CUBN: variants seen among roughly 807,000 people sequenced by gnomAD.
CUBN encodes 460 kDa receptor.
Under a neutral mutation model 405.3 loss-of-function variants are expected in CUBN, and 282 were observed. That is an observed-to-expected ratio of 0.70 (90% CI 0.63 to 0.77). The LOEUF is 0.77. CUBN is among the 30% of genes least tolerant of loss of function. CUBN has a pLI of 0.00. For missense variants in CUBN, 4,514 were observed against 4,475.2 expected (o/e 1.01, Z -0.25); for synonymous variants, 1,684 against 1,617.0 (o/e 1.04, Z -0.99).
At chr10:16,967,591 A>C (rs979224763) in intron 31 of CUBN, among the ~76,000 whole-genome samples, 1 of 152,164 alleles carries the variant, frequency 6.6e-6, no homozygotes, top group Non-Finnish European at 1.5e-5. Flanking sequence ...TCACAAGATA[A>C]ACGTTTGAAA....
intron 59 of CUBN, among the ~76,000 whole-genome samples, chr10:16,854,897 C>T (rs1839822389): frequency 6.6e-6 from 1 of 151,926 alleles, no homozygotes; most frequent in Non-Finnish European, 1.5e-5. Context: ...ATTGGCTGAT[C>T]CATCCTCCCT....
At position 17,088,193 on chromosome 10, in the gene CUBN, G is replaced by A. The variant is rs376140001; in HGVS notation, c.1918C>T (p.His640Tyr). 4 of 1,613,336 alleles carry A rather than the reference G, an allele frequency of 2.5e-6. No homozygotes were observed. The highest frequency in any genetic ancestry group is 2.7e-5 in the African/African-American group (2 of 74,866). ...AGGTAATCTTTGTTGCAGTCATCAT[G>A]GTGCTCGAGGCTCAAGGTCCCAAAA... ...FTFGTLSLEH[H>Y]DDCNKDYLEI... The change falls in exon 15 of 67, where the codon CAT (histidine) becomes TAT (tyrosine). Residue 640 changes from histidine to tyrosine, a missense_variant. Coordinates refer to ENST00000377833, the MANE Select transcript of CUBN (RefSeq NM_001081.4).
chr10:17,098,913 A>G (rs957469266), intron 14 of CUBN, among the ~76,000 whole-genome samples: 2 of 152,198 alleles, frequency 1.3e-5, no homozygotes, highest in African/African-American at 4.8e-5. Flanking sequence ...ATGAAAAGAG[A>G]ACTAAATTTA....
intron 17 of CUBN, among the ~76,000 whole-genome samples, chr10:17,075,046 A>G (rs1445587096): frequency 6.9e-6 from 1 of 145,624 alleles, no homozygotes; most frequent in African/African-American, 2.5e-5. Context: ...GCAAACAGGT[A>G]GTAAAGAGAA....
chr10:16,875,784 C>A (rs907814945), intron 57 of CUBN, among the ~76,000 whole-genome samples: 1 of 152,192 alleles, frequency 6.6e-6, no homozygotes, highest in Non-Finnish European at 1.5e-5. Flanking sequence ...TATATTGAAT[C>A]TTGACTACTT....
chr10:16,898,292 G>C (rs1225247678), intron 54 of CUBN, among the ~76,000 whole-genome samples: 1 of 152,004 alleles, frequency 6.6e-6, no homozygotes, highest in Non-Finnish European at 1.5e-5. Context: ...CACTGAAGAA[G>C]GAATCATGCT....
intron 30 of CUBN, 83 bp from the exon 31 acceptor site, chr10:16,982,736 AC>A: frequency 8.0e-7 from 1 of 1,248,902 alleles, no homozygotes; most frequent in Non-Finnish European, 1.1e-6. Context: ...ATAGATCAAT[AC>A]ATTACTTTGC....
chr10:17,083,991 T>C (rs931096171), intron 17 of CUBN, among the ~76,000 whole-genome samples: 3 of 152,190 alleles, frequency 2.0e-5, no homozygotes, highest in South Asian at 2.1e-4. Context: ...TTATTACCAC[T>C]TGACTAGCTG....
intron 62 of CUBN, 134 bp downstream of exon 62, chr10:16,840,196 G>T: frequency 2.7e-6 from 2 of 736,288 alleles, no homozygotes. Flanking sequence ...CACATTGTGC[G>T]CATGTACCCT....
intron 61 of CUBN, 61 bp from the exon 62 acceptor site, chr10:16,840,596 C>A: frequency 7.3e-7 from 1 of 1,366,676 alleles, no homozygotes; most frequent in East Asian, 2.5e-5. Context: ...CTCAGGCAAT[C>A]TTTGCAATTC....
chr10:17,073,291 A>G (rs2131850601), intron 17 of CUBN, among the ~76,000 whole-genome samples: 1 of 152,342 alleles, frequency 6.6e-6, no homozygotes, highest in East Asian at 1.9e-4. Flanking sequence ...TAGAAATTAT[A>G]AACTATAAAT....
rs57009841 is a variant in CUBN, at chr10:16,889,953, A to AAAAAAAAAAAAAAAAAAAAG, written c.8755+417_8755+418insCTTTTTTTTTTTTTTTTTTT. On this transcript the variant is annotated intron_variant, in intron 55 of 66. Coordinates refer to ENST00000377833, the MANE Select transcript of CUBN (RefSeq NM_001081.4). ...GCCGTGTCAAAAAAAAAAAAAAAAA[A>AAAAAAAAAAAAAAAAAAAAG]CAGGAAAGACTTCGTCATGGAAATT... is the stretch of plus-strand genomic sequence containing the variant. Among the ~76,000 whole-genome samples the AAAAAAAAAAAAAAAAAAAAG allele has an allele frequency of 2.0e-3, 236 of 117,982 alleles. 31 individuals are homozygous for AAAAAAAAAAAAAAAAAAAAG. Among genetic ancestry groups the AAAAAAAAAAAAAAAAAAAAG allele is most frequent in the African/African-American group, 8.7e-3 (207 of 23,846 alleles). 77.4% of individuals were successfully genotyped at this position (117,982 alleles called of 152,430 possible). A position where few individuals can be genotyped will look rare whatever the true frequency, so the allele number is the denominator to read the frequency against.
At chr10:16,868,939 A>G (rs929072877) in intron 59 of CUBN, among the ~76,000 whole-genome samples, 1 of 152,134 alleles carries the variant, frequency 6.6e-6, no homozygotes, top group East Asian at 1.9e-4. Flanking sequence ...TACCTATAGA[A>G]AGTCATCCTC....
Position 16,900,853 on chromosome 10 carries a change from G to C in CUBN, c.8185-3C>G. Reference sequence around the variant, plus strand: ...ATATCAAAGTCACTAAATGTGAGCTGCAGGAGAAAAAAGAAAATGGTTGTC... The same window carrying C: ...ATATCAAAGTCACTAAATGTGAGCTCCAGGAGAAAAAAGAAAATGGTTGTC... On this transcript the variant is annotated splice_polypyrimidine_tract_variant and splice_region_variant and intron_variant, in intron 52 of 66. Coordinates refer to ENST00000377833, the MANE Select transcript of CUBN (RefSeq NM_001081.4). 6.2e-7 allele frequency: 1 copy of C among 1,604,802 alleles called. No homozygotes were observed. The highest frequency in any genetic ancestry group is 8.5e-7 in the Non-Finnish European group (1 of 1,173,188).
At position 17,068,058 on chromosome 10, in the gene CUBN, C is replaced by T. The variant is rs1835652019; in HGVS notation, c.3008+6G>A. 1 of 1,603,936 alleles carries T rather than the reference C, an allele frequency of 6.2e-7. No individual in the cohort carries two copies. Among genetic ancestry groups the T allele is most frequent in the Non-Finnish European group, 8.5e-7 (1 of 1,171,094 alleles). On this transcript the variant is annotated splice_donor_region_variant and intron_variant, in intron 21 of 66. Transcript: ENST00000377833. ...TTGTTAAACAAACAAACAAACATAA[C>T]CTTACCTTCCAAGGGATGTCTCAGA...
At chr10:17,027,036 C>G (rs1201114036) in intron 27 of CUBN, among the ~76,000 whole-genome samples, 2 of 152,226 alleles carry the variant, frequency 1.3e-5, no homozygotes, top group Non-Finnish European at 2.9e-5. Flanking sequence ...AGTTACAGGT[C>G]TGTCTCATAT....
In CUBN at chr10:16,828,931, T is replaced by G; in HGVS notation, c.10638A>C (p.Gly3546=). The part of the protein sequence containing the change: ...YCEWVLVAPA[G]RLVTINFYFI... ...AGTAGAAGTTGATGGTGACAAGCCT[T>G]CCAGCAGGAGCAACAAGGACCCACT... Residue 3546 remains glycine, a synonymous_variant, in exon 66 of 67, where the codon GGA becomes GGC. Coordinates refer to ENST00000377833, the MANE Select transcript of CUBN (RefSeq NM_001081.4). 6.2e-7 allele frequency: 1 copy of G among 1,614,150 alleles called. No homozygotes were observed.
intron 22 of CUBN, among the ~76,000 whole-genome samples, chr10:17,063,016 C>G (rs868151334): frequency 1.6e-4 from 25 of 152,232 alleles, no homozygotes; most frequent in Admixed American, 1.0e-3. Context: ...CACTCTGACT[C>G]TGGCTGCCTT....
intron 56 of CUBN, among the ~76,000 whole-genome samples, chr10:16,885,315 T>C (rs555392543): frequency 1.3e-5 from 2 of 152,324 alleles, no homozygotes; most frequent in African/African-American, 4.8e-5. Context: ...CAAGGCATTG[T>C]TGTAAGGATA....
Sources: allele counts gnomAD v4.1 joint callset (sites outside exome capture counted in the v4.1 genomes callset), GRCh38; gene constraint gnomAD v4.1.1; transcripts MANE v1.5; gene names NCBI Gene and HGNC (gene_info 2026-07-23, HGNC 2026-07-21).